The following GRTP1 variants were observed in gnomAD, a reference collection of about 807,000 sequenced individuals.
GRTP1 encodes the protein growth hormone-regulated TBC protein 1.
GRTP1 carries 56 observed loss-of-function variants against 38.1 expected under a neutral mutation model. The observed-to-expected ratio is 1.47, with a 90% CI of 1.19 to 1.84. The LOEUF (loss-of-function observed/expected upper bound fraction) is 1.84. GRTP1 is among the 40% of genes most tolerant of loss of function. GRTP1 has a pLI of 0.00. For synonymous variants in GRTP1, 217 were observed against 189.5 expected, an observed-to-expected ratio of 1.14 and a Z score of -1.19; for missense variants, 506 against 453.9, an observed-to-expected ratio of 1.11 and a Z score of -1.04.
intron 5 of GRTP1, 28 bp downstream of exon 5, chr13:113,344,835 G>T: frequency 6.3e-7 from 1 of 1,585,320 alleles, no homozygotes; most frequent in Non-Finnish European, 8.5e-7. Context: ...AGGACAGTTC[G>T]GGCATACCGC....
chr13:113,327,541 G>A (rs577321047), intron 5 of GRTP1, among the ~76,000 whole-genome samples: 3 of 152,304 alleles, frequency 2.0e-5, no homozygotes, highest in Admixed American at 6.5e-5. Context: ...GCAACATCAC[G>A]GTCCTGTCAC....
In GRTP1 at chr13:113,325,865, C is replaced by T. The variant is rs1400222821; in HGVS notation, c.736-19G>A. On this transcript the variant is annotated intron_variant, in intron 6 of 7. Transcript: ENST00000375431. Reference sequence around the variant, plus strand: ...GCACTGTCTGCAGAGACATGGGAACCCGGTGTCACTCCCTGGCGGCCCGCC... The same window carrying T: ...GCACTGTCTGCAGAGACATGGGAACTCGGTGTCACTCCCTGGCGGCCCGCC... 3.1e-6 allele frequency: 5 copies of T among 1,613,806 alleles called. No individual in the cohort carries two copies. In the African/African-American group the frequency reaches 5.3e-5, roughly 17 times the overall value.
intron 5 of GRTP1, among the ~76,000 whole-genome samples, chr13:113,334,141 T>C (rs996111949): frequency 3.9e-5 from 6 of 152,214 alleles, no homozygotes; most frequent in South Asian, 2.1e-4. Flanking sequence ...GGCCCATGCC[T>C]GTGCATTTAG....
rs2043255913 is a variant in GRTP1 at position 113,350,984 on chromosome 13, T to G, written c.341-11A>C. ...AGGTCCGGTTCAGGTCTGTGGGAAA[T>G]TCAGAAGGAATCACCCACGGGTTTC... On this transcript the variant is annotated splice_polypyrimidine_tract_variant and intron_variant, in intron 3 of 7. Transcript: ENST00000375431. The G allele has an allele frequency of 6.2e-7, 1 of 1,613,384 alleles. No individual in the cohort carries two copies. Among genetic ancestry groups the G allele is most frequent in the Admixed American group, 1.7e-5 (1 of 59,984 alleles).
chr13:113,330,026 T>G (rs559732918), intron 5 of GRTP1, among the ~76,000 whole-genome samples: 1 of 149,648 alleles, frequency 6.7e-6, no homozygotes, highest in African/African-American at 2.5e-5. Flanking sequence ...GGTGCGTACA[T>G]GGAAACCCAG....
Position 113,349,835 on chromosome 13 carries a change from C to T in GRTP1, c.465+1014G>A, listed in dbSNP as rs369137025. Among the ~76,000 whole-genome samples, 73 of 152,276 alleles carry T rather than the reference C, an allele frequency of 4.8e-4. 1 individual carries two copies. The East Asian group carries it at 0.013, about 27-fold the overall frequency. On this transcript the variant is annotated intron_variant, in intron 4 of 7. Coordinates refer to ENST00000375431, the MANE Select transcript of GRTP1 (RefSeq NM_024719.4). The surrounding 1 kb of genome is among the most constrained non-coding windows in gnomAD (Gnocchi z 5.0). ...TTCTGGTTGGTGCACGCCTGGCTCC[C>T]GGCTCCTACAGGAAGTTTCTGGGGG...
chr13:113,334,845 C>G (rs537356566), intron 5 of GRTP1, among the ~76,000 whole-genome samples: 3 of 152,252 alleles, frequency 2.0e-5, no homozygotes, highest in African/African-American at 7.2e-5. Flanking sequence ...TTGAGATGGA[C>G]ACTTGCTCTG....
At chr13:113,359,132 G>C (rs1395373707) in intron 2 of GRTP1, among the ~76,000 whole-genome samples, 5 of 152,190 alleles carry the variant, frequency 3.3e-5, no homozygotes, top group Admixed American at 2.0e-4. Flanking sequence ...AAAGAAACCA[G>C]ACTCAAAGGC....
Position 113,325,647 on chromosome 13 carries a change from G to A in GRTP1, c.921+14C>T. ...CCCCTGGGAGGGGACTGAGCCACGT[G>A]CAGCCCCACACACCTGCATAAACGT... On this transcript the variant is annotated intron_variant, in intron 7 of 7. Coordinates refer to ENST00000375431, the MANE Select transcript of GRTP1 (RefSeq NM_024719.4). The A allele has an allele frequency of 6.2e-7, 1 of 1,603,990 alleles. No individual in the cohort carries two copies. Among genetic ancestry groups the A allele is most frequent in the East Asian group, 2.2e-5 (1 of 44,730 alleles).
chr13:113,356,940 G>A (rs1036864497), intron 2 of GRTP1, among the ~76,000 whole-genome samples: 3 of 152,120 alleles, frequency 2.0e-5, no homozygotes, highest in Non-Finnish European at 2.9e-5. Context: ...AATACGTGAC[G>A]AATTATACAA....
intron 5 of GRTP1, among the ~76,000 whole-genome samples, chr13:113,341,710 G>A (rs2043028512): frequency 6.6e-6 from 1 of 151,960 alleles, no homozygotes; most frequent in Non-Finnish European, 1.5e-5. Flanking sequence ...TGTTTATATC[G>A]GTCTATAAAA....
chr13:113,325,482 G>A, intron 7 of GRTP1, 179 bp downstream of exon 7: 3 of 1,463,790 alleles, frequency 2.0e-6, no homozygotes, highest in Non-Finnish European at 2.7e-6. Context: ...CCATAGACAG[G>A]AAAGCCCTCG....
At chr13:113,354,586 TG>T (rs2043345683) in intron 3 of GRTP1, among the ~76,000 whole-genome samples, 1 of 151,050 alleles carries the variant, frequency 6.6e-6, no homozygotes. Flanking sequence ...TGGAGTGCGG[TG>T]GTGCAATCCC....
chr13:113,326,093 T>C lies in GRTP1; in HGVS notation c.563-2A>G. ...CCAGCATGGCCGGGCTGTAGTAATC[T>C]GCCAGGCAATGTGGAGAAAAGACCC... On this transcript the variant is annotated splice_acceptor_variant, in intron 5 of 7. Transcript: ENST00000375431. LOFTEE classifies it high-confidence loss of function. 6.2e-7 allele frequency: 1 copy of C among 1,606,706 alleles called. No individual in the cohort carries two copies. The highest frequency in any genetic ancestry group is 8.5e-7 in the Non-Finnish European group (1 of 1,179,828).
chr13:113,350,773 T>G, intron 4 of GRTP1, 76 bp downstream of exon 4: 1 of 1,352,568 alleles, frequency 7.4e-7, no homozygotes, highest in South Asian at 1.5e-5. Flanking sequence ...CGTGAGGCCG[T>G]CACTGCCGAG....
At chr13:113,326,154 C>T in intron 5 of GRTP1, 63 bp from the exon 6 acceptor site, 3 of 1,579,488 alleles carry the variant, frequency 1.9e-6, no homozygotes, top group South Asian at 2.2e-5. Context: ...GCCCCATTCC[C>T]CTCAGAGCCA....
Position 113,325,974 on chromosome 13 carries a change from G to A in GRTP1, c.680C>T (p.Thr227Met), listed in dbSNP as rs141702619. 2.5e-4 allele frequency: 402 copies of A among 1,613,832 alleles called. 1 individual carries two copies. In the African/African-American group the frequency reaches 3.8e-3, roughly 15 times the overall value. The change falls in exon 6 of 8, where the codon ACG (threonine) becomes ATG (methionine). Residue 227 changes from threonine to methionine, a missense_variant. By Grantham distance (81) the Thr-to-Met change is moderately conservative. Transcript: ENST00000375431. Reference protein sequence around the residue: ...ALMERLGVLWTLLVSRWFICL... With the variant: ...ALMERLGVLWMLLVSRWFICL... ...GATGAACCAGCGGGACACCAGCAGC[G>A]TCCACAGCACACCGAGACGCTCCAT...
chr13:113,341,546 C>T (rs1444777014), intron 5 of GRTP1, among the ~76,000 whole-genome samples: 2 of 152,128 alleles, frequency 1.3e-5, no homozygotes, highest in African/African-American at 2.4e-5. Flanking sequence ...GGATTACAGG[C>T]GTGAGCCACC....
intron 2 of GRTP1, among the ~76,000 whole-genome samples, chr13:113,357,404 C>T (rs564998354): frequency 1.4e-5 from 2 of 143,928 alleles, no homozygotes; most frequent in East Asian, 2.1e-4. Flanking sequence ...GAGATCACGC[C>T]GCTGCACTCC....
Sources: gnomAD v4.1 joint callset for allele counts (sites outside exome capture counted in the v4.1 genomes callset) on GRCh38, gnomAD v4.1.1 for gene constraint, Gnocchi (gnomAD v3.1) non-coding constraint, MANE v1.5 for transcripts, NCBI Gene and HGNC (gene_info 2026-07-23, HGNC 2026-07-21) for gene names.